Variants in POLB observed in about 807,000 individuals in gnomAD.
POLB encodes DNA polymerase beta.
Under a neutral mutation model 52.7 loss-of-function variants are expected in POLB, and 37 were observed. That is an observed-to-expected ratio of 0.70 (90% CI 0.54 to 0.92). The LOEUF is 0.92. POLB is among the 40% of genes least tolerant of loss of function. POLB has a pLI of 0.00. For synonymous variants in POLB, 138 were observed against 131.3 expected, an observed-to-expected ratio of 1.05 and a Z score of -0.35; for missense variants, 313 against 400.8, an observed-to-expected ratio of 0.78 and a Z score of 1.87.
At position 42,369,318 on chromosome 8, in the gene POLB, C is replaced by G; in HGVS notation, c.756C>G (p.His252Gln). ...AAAATGATGAAAAAGAATATCCACA[C>G]AGAAGAATTGATATCAGGTATTGTT... The part of the protein sequence containing the change: ...PSKNDEKEYP[H>Q]RRIDIRLIPK... Residue 252 changes from histidine to glutamine, a missense_variant, in exon 12 of 14, where the codon CAC (histidine) becomes CAG (glutamine). By Grantham distance (24) the His-to-Gln change is conservative. This residue lies in a region of POLB where 246 missense variants were observed against 297.6 expected (regional missense o/e 0.83). Transcript: ENST00000265421. 1 of 1,584,482 alleles carries G rather than the reference C, an allele frequency of 6.3e-7. No individual in the cohort carries two copies. The highest frequency in any genetic ancestry group is 8.7e-7 in the Non-Finnish European group (1 of 1,154,546).
intron 2 of POLB, 66 bp from the exon 3 acceptor site, chr8:42,344,887 C>T: frequency 3.3e-6 from 3 of 902,282 alleles, no homozygotes; most frequent in African/African-American, 1.6e-5. Flanking sequence ...ATATGTATTC[C>T]AGTTTAAGAA....
At chr8:42,352,664 A>G (rs1377791177) in intron 6 of POLB, 96 bp downstream of exon 6, 16 of 765,020 alleles carry the variant, frequency 2.1e-5, no homozygotes, top group African/African-American at 1.9e-4. Context: ...CCCATTCTCA[A>G]TCAGTAGATA....
At chr8:42,343,321 CAAAAAAA>C (rs1157325948) in intron 2 of POLB, among the ~76,000 whole-genome samples, 1 of 2,818 alleles carries the variant, frequency 3.5e-4, no homozygotes, top group African/African-American at 7.6e-4. Context: ...GACTGCGTCT[CAAAAAAA>C]AAAAAAAAAA....
intron 13 of POLB, among the ~76,000 whole-genome samples, chr8:42,370,624 C>T (rs1824322143): frequency 6.6e-6 from 1 of 152,116 alleles, no homozygotes; most frequent in African/African-American, 2.4e-5. Context: ...TCACTAAATT[C>T]AGATTCTAAT....
At chr8:42,343,345 A>AAAAAAAAAATATATAT (rs1554531633) in intron 2 of POLB, among the ~76,000 whole-genome samples, 3 of 33,056 alleles carry the variant, frequency 9.1e-5, no homozygotes, top group African/African-American at 1.8e-4. Flanking sequence ...AAAAAAAAAA[A>AAAAAAAAAATATATAT]ATATATATAT....
intron 6 of POLB, among the ~76,000 whole-genome samples, chr8:42,352,879 A>G (rs939623372): frequency 6.6e-6 from 1 of 152,096 alleles, no homozygotes; most frequent in Non-Finnish European, 1.5e-5. Flanking sequence ...GTTCGAGACC[A>G]GTCTGGCCAA....
At chr8:42,361,438 G>A in intron 10 of POLB, 73 bp downstream of exon 10, 1 of 1,023,272 alleles carries the variant, frequency 9.8e-7, no homozygotes, top group Non-Finnish European at 1.6e-6. Flanking sequence ...GTGATAGTTG[G>A]GTATTTTCAG....
intron 11 of POLB, among the ~76,000 whole-genome samples, chr8:42,364,304 A>G (rs1823910043): frequency 1.3e-5 from 2 of 152,020 alleles, no homozygotes; most frequent in African/African-American, 4.8e-5. Flanking sequence ...CAGTGGCGAA[A>G]CATGGCTCAC....
chr8:42,342,649 A>G, intron 2 of POLB: 1 of 600,956 alleles, frequency 1.7e-6, no homozygotes, highest in South Asian at 1.9e-5. Flanking sequence ...TGGAACAGAG[A>G]CCTGCAGGCC....
chr8:42,339,769 C>T (rs1334904278), intron 2 of POLB: 4 of 147,428 alleles, frequency 2.7e-5, no homozygotes, highest in African/African-American at 1.0e-4. Context: ...CCGGGTTTTG[C>T]TATGTTGCCC....
In POLB at chr8:42,357,200, C is replaced by T; in HGVS notation, c.454C>T (p.Arg152Cys). Reference sequence around the variant, plus strand: ...TGGGGACTTTGAAAAAAGAATTCCTCGTGAAGAGATGTTACAAATGCAAGT... The same window carrying T: ...TGGGGACTTTGAAAAAAGAATTCCTTGTGAAGAGATGTTACAAATGCAAGT... ...YFGDFEKRIP[R>C]EEMLQMQDIV... Residue 152 changes from arginine to cysteine, a missense_variant, in exon 8 of 14, where the codon CGT becomes TGT. Arg to Cys is a radical substitution (Grantham distance 180). Transcript: ENST00000265421. 2.6e-6 allele frequency: 4 copies of T among 1,556,634 alleles called. No homozygotes were observed. The highest frequency in any genetic ancestry group is 3.5e-6 in the Non-Finnish European group (4 of 1,128,810).
chr8:42,342,215 G>A, intron 2 of POLB: 15 of 1,551,820 alleles, frequency 9.7e-6, no homozygotes, highest in Admixed American at 3.3e-5. Context: ...GCAGGTGAAA[G>A]CACCTGGCTG....
At chr8:42,355,142 G>A (rs771943004) in intron 6 of POLB, among the ~76,000 whole-genome samples, 1 of 151,862 alleles carries the variant, frequency 6.6e-6, no homozygotes. Flanking sequence ...AGGTTCAAGC[G>A]ATTCTCTTGC....
rs3136741 is a variant in POLB, at chr8:42,348,012, CTA to C, written c.187-999_187-998del. ...CCAAAGTTGCAAATTAAACAAGACA[CTA>C]TATAGTGCCCATCAAATACATGCAG... is the stretch of plus-strand genomic sequence containing the variant. On this transcript the variant is annotated intron_variant, in intron 3 of 13. Transcript: ENST00000265421. 3.0e-4 allele frequency among the ~76,000 whole-genome samples: 45 copies of C among 152,192 alleles called. No homozygotes were observed. In the South Asian group the frequency reaches 8.9e-3, roughly 30 times the overall value.
intron 2 of POLB, chr8:42,339,362 A>G (rs1486492365): frequency 2.4e-6 from 1 of 419,664 alleles, no homozygotes; most frequent in East Asian, 4.9e-5. Flanking sequence ...AATGAAAGAC[A>G]GCGGATGAAG....
chr8:42,362,839 CAG>C, intron 11 of POLB, 141 bp downstream of exon 11: 1 of 573,438 alleles, frequency 1.7e-6, no homozygotes, highest in Non-Finnish European at 3.1e-6. Flanking sequence ...AAAATAATAG[CAG>C]GGGCCGGGCG....
chr8:42,351,209 G>A (rs187571389), intron 5 of POLB, among the ~76,000 whole-genome samples: 1 of 152,248 alleles, frequency 6.6e-6, no homozygotes, highest in Non-Finnish European at 1.5e-5. Flanking sequence ...CTAGGCAAGA[G>A]AACTGAAAGT....
chr8:42,369,976 T>G lies in POLB; in HGVS notation c.901T>G (p.Leu301Val). The G allele has an allele frequency of 6.2e-7, 1 of 1,609,426 alleles. No individual in the cohort carries two copies. The change falls in exon 13 of 14, where the codon TTG becomes GTG. Residue 301 changes from leucine to valine, a missense_variant. This residue lies in a region of POLB where 246 missense variants were observed against 297.6 expected (regional missense o/e 0.83). Transcript: ENST00000265421. ...FTINEYTIRPLGVTGVAGEPL... is the reference protein window; with the variant it reads ...FTINEYTIRPVGVTGVAGEPL... ...AATCAATGAGTACACCATCCGTCCCTTGGGAGTCACTGGTGAGTGTCCATG... is the reference window on the plus strand; with the variant it reads ...AATCAATGAGTACACCATCCGTCCCGTGGGAGTCACTGGTGAGTGTCCATG...
chr8:42,348,826 T>G (rs1038742011), intron 3 of POLB, among the ~76,000 whole-genome samples, 190 bp from the exon 4 acceptor site: 27 of 152,252 alleles, frequency 1.8e-4, no homozygotes, highest in African/African-American at 6.3e-4. Context: ...GTTTCCCTTT[T>G]GTCATTCATG....
Sources: gnomAD v4.1 joint callset for allele counts (sites outside exome capture counted in the v4.1 genomes callset) on GRCh38, gnomAD v4.1.1 for gene constraint, gnomAD v4.1.1 regional missense constraint, MANE v1.5 for transcripts, NCBI Gene and HGNC (gene_info 2026-07-23, HGNC 2026-07-21) for gene names.